The following REPS2 variants were observed in gnomAD, a reference collection of about 807,000 sequenced individuals.
The protein encoded by REPS2 is ralBP1-associated Eps domain-containing protein 2.
Under a neutral mutation model 53.6 loss-of-function variants are expected in REPS2, and 23 were observed. The observed-to-expected ratio is 0.43, with a 90% CI of 0.31 to 0.61. REPS2 has a LOEUF of 0.61. Ranked by LOEUF, REPS2 falls within the 20% of genes least tolerant of loss-of-function variation. The probability of loss-of-function intolerance (pLI) is 0.11; values close to 1 mark genes in which losing one functional copy is unlikely to be tolerated. For missense variants in REPS2, 446 were observed against 534.9 expected, an observed-to-expected ratio of 0.83 and a Z score of 1.64; for synonymous variants, 238 against 218.6, an observed-to-expected ratio of 1.09 and a Z score of -0.78.
chrX:17,110,906 C>T (rs376194419), intron 14 of REPS2, among the ~76,000 whole-genome samples: 2 of 110,577 alleles, frequency 1.8e-5, no homozygotes, highest in Non-Finnish European at 3.8e-5. Context: ...CCCAGCTACT[C>T]GGGAGGCTGA....
the REPS2 span, among the ~76,000 whole-genome samples, chrX:17,190,766 A>G: frequency 2.7e-5 from 3 of 112,592 alleles, no homozygotes; most frequent in African/African-American, 9.7e-5. Flanking sequence ...GGTGAAAGAC[A>G]GAAACATAGA....
At chrX:17,180,038 A>C in the REPS2 span, among the ~76,000 whole-genome samples, 1 of 111,731 alleles carries the variant, frequency 9.0e-6, no homozygotes, top group Non-Finnish European at 1.9e-5. Context: ...CCCTCTGTAC[A>C]TGTGTATATA....
intron 1 of REPS2, among the ~76,000 whole-genome samples, chrX:16,996,059 C>A (rs750966811): frequency 4.5e-5 from 5 of 110,721 alleles, no homozygotes; most frequent in African/African-American, 1.3e-4. Flanking sequence ...TGCTCAGTGG[C>A]AGGAGTTGTA....
intron 2 of REPS2, among the ~76,000 whole-genome samples, chrX:17,020,685 A>G (rs1382917453): frequency 9.2e-6 from 1 of 108,801 alleles, no homozygotes; most frequent in African/African-American, 3.4e-5. Flanking sequence ...CTGGAGTGCA[A>G]TGGCATGATC....
rs1166904332 is a variant in REPS2 at position 17,144,385 on chromosome X, T to C, written c.1915-3028T>C. On this transcript the variant is annotated intron_variant, in intron 17 of 17. Transcript: ENST00000357277. ...GAAACAGATTTTCAGCCAACACTTA[T>C]TTTAGCCAACTCCCATCTCCCCTTA... Among the ~76,000 whole-genome samples the C allele has an allele frequency of 3.5e-5, 4 of 113,003 alleles. No individual in the cohort carries two copies. The East Asian group carries it at 1.1e-3, about 31-fold the overall frequency.
chrX:16,947,116 C>A lies in REPS2; in HGVS notation c.255C>A (p.Pro85=), dbSNP rs764858278. Residue 85 remains proline, a synonymous_variant, in exon 1 of 18, where the codon CCC becomes CCA. Coordinates refer to ENST00000357277, the MANE Select transcript of REPS2 (RefSeq NM_004726.3). ...ACCTGTTTCGGGCATCGCAGCTGCC[C>A]GCCGAGACGCTGCACCAGGTGGGTC... ...VADLFRASQL[P]AETLHQITEL... is the part of the protein sequence containing the mutation. 12 of 1,091,543 alleles carry A rather than the reference C, an allele frequency of 1.1e-5. No homozygotes were observed. Among genetic ancestry groups the A allele is most frequent in the Admixed American group, 6.1e-5 (2 of 33,018 alleles). 90.0% of individuals were successfully genotyped at this position (1,091,543 alleles called of 1,213,427 possible).
chrX:17,110,987 G>A (rs1190225424), intron 14 of REPS2, among the ~76,000 whole-genome samples: 9 of 111,689 alleles, frequency 8.1e-5, no homozygotes, highest in South Asian at 3.7e-4. Context: ...GCACTCCAGC[G>A]TGGGTGACAG....
At chrX:17,030,419 A>C (rs1467926895) in intron 5 of REPS2, among the ~76,000 whole-genome samples, 3 of 110,592 alleles carry the variant, frequency 2.7e-5, no homozygotes, top group Non-Finnish European at 5.7e-5. Context: ...TCAGTCATCT[A>C]ACTCGGGAAT....
intron 2 of REPS2, among the ~76,000 whole-genome samples, chrX:17,015,632 A>T (rs4828543): frequency 9.6e-6 from 1 of 104,623 alleles, no homozygotes; most frequent in African/African-American, 3.5e-5. Flanking sequence ...TCATTGTTCA[A>T]TTCCCACCTA....
intron 13 of REPS2, among the ~76,000 whole-genome samples, chrX:17,094,679 G>A (rs1190190320): frequency 1.8e-5 from 2 of 110,752 alleles, no homozygotes; most frequent in Admixed American, 1.9e-4. Context: ...TTTTTGTTTT[G>A]TTTTGTTTTC....
rs112559721 is a variant in REPS2, at chrX:17,011,262, C to A, written c.397+4918C>A. ...CTAGGTATCTCTCTAGCCCCACCCTCGTCTGAGTTGGGGTTAAACAGATGG... is the reference window on the plus strand; with the variant it reads ...CTAGGTATCTCTCTAGCCCCACCCTAGTCTGAGTTGGGGTTAAACAGATGG... On this transcript the variant is annotated intron_variant, in intron 2 of 17. Coordinates refer to ENST00000357277, the MANE Select transcript of REPS2 (RefSeq NM_004726.3). Among the ~76,000 whole-genome samples, 547 of 111,613 alleles carry A rather than the reference C, an allele frequency of 4.9e-3. 3 individuals carry two copies. The highest frequency in any genetic ancestry group is 0.017 in the African/African-American group (523 of 30,641).
At chrX:17,013,266 G>A (rs191065635) in intron 2 of REPS2, among the ~76,000 whole-genome samples, 1 of 112,041 alleles carries the variant, frequency 8.9e-6, no homozygotes, top group African/African-American at 3.2e-5. Flanking sequence ...TGTAAAATAA[G>A]GATCAAGACT....
At chrX:17,031,123 C>A (rs1213336532) in intron 5 of REPS2, among the ~76,000 whole-genome samples, 1 of 112,122 alleles carries the variant, frequency 8.9e-6, no homozygotes, top group East Asian at 2.8e-4. Flanking sequence ...CCTTTAAACA[C>A]GAGAATCACA....
At chrX:17,144,691 A>T (rs1281117389) in intron 17 of REPS2, among the ~76,000 whole-genome samples, 4 of 112,402 alleles carry the variant, frequency 3.6e-5, no homozygotes, top group African/African-American at 1.3e-4. Flanking sequence ...TGTCTCCTTA[A>T]GGAAGGACCC....
At chrX:17,066,091 G>C (rs2062221597) in intron 9 of REPS2, among the ~76,000 whole-genome samples, 1 of 111,825 alleles carries the variant, frequency 8.9e-6, no homozygotes, top group African/African-American at 3.3e-5. Context: ...ATAGATGTAA[G>C]GGTTTATTTC....
chrX:17,009,044 A>G (rs896231218), intron 2 of REPS2, among the ~76,000 whole-genome samples: 1 of 111,678 alleles, frequency 9.0e-6, no homozygotes, highest in Admixed American at 9.5e-5. Flanking sequence ...TGTTGCCTCT[A>G]TCTCTTTGTC....
intron 1 of REPS2, among the ~76,000 whole-genome samples, chrX:16,995,130 C>A (rs773107490): frequency 8.9e-6 from 1 of 112,026 alleles, no homozygotes; most frequent in East Asian, 2.8e-4. Context: ...TGAGATTGTC[C>A]CCCTTACACC....
At chrX:17,018,212 C>CTT (rs200578522) in intron 2 of REPS2, among the ~76,000 whole-genome samples, 107 of 92,223 alleles carry the variant, frequency 1.2e-3, no homozygotes, top group African/African-American at 3.8e-3. Context: ...TGGCAACTGC[C>CTT]TTTTTTTTTT....
chrX:17,129,552 A>C (rs772051403), intron 14 of REPS2, among the ~76,000 whole-genome samples: 1 of 112,159 alleles, frequency 8.9e-6, no homozygotes, highest in East Asian at 2.8e-4. Flanking sequence ...ACATAACACC[A>C]TGCAGTGGTC....
Sources: gnomAD v4.1 joint callset for allele counts (sites outside exome capture counted in the v4.1 genomes callset) on GRCh38, gnomAD v4.1.1 for gene constraint, MANE v1.5 for transcripts, NCBI Gene and HGNC (gene_info 2026-07-23, HGNC 2026-07-21) for gene names.